The following TMEM117 variants were observed in gnomAD, a reference collection of about 807,000 sequenced individuals.
TMEM117 encodes transmembrane protein 117.
A neutral mutation model predicts 52.4 loss-of-function variants in TMEM117; 27 were observed. The observed-to-expected ratio is 0.51, with a 90% CI of 0.38 to 0.71. The LOEUF is 0.71. TMEM117 is among the 30% of genes least tolerant of loss of function. The pLI is 0.00. For missense variants in TMEM117, 556 were observed against 630.5 expected, an observed-to-expected ratio of 0.88 and a Z score of 1.26; for synonymous variants, 215 against 206.3, an observed-to-expected ratio of 1.04 and a Z score of -0.36.
chr12:44,195,119 C>G (rs1418956572), intron 4 of TMEM117, among the ~76,000 whole-genome samples: 5 of 152,150 alleles, frequency 3.3e-5, no homozygotes, highest in Non-Finnish European at 7.3e-5. Flanking sequence ...GGGTTCTCTA[C>G]TTAGGTTCTC....
chr12:44,150,070 A>C (rs532582848), intron 4 of TMEM117, among the ~76,000 whole-genome samples: 1 of 152,260 alleles, frequency 6.6e-6, no homozygotes, highest in Non-Finnish European at 1.5e-5. Flanking sequence ...TGTTCATTGG[A>C]ACCATTTTGA....
intron 3 of TMEM117, among the ~76,000 whole-genome samples, chr12:44,083,436 G>A (rs1361987448): frequency 8.9e-6 from 1 of 111,778 alleles, no homozygotes; most frequent in East Asian, 2.6e-4. Flanking sequence ...TCACTCTGTT[G>A]CCCAGGCTGG....
chr12:44,228,563 A>G (rs1949892943), intron 5 of TMEM117, among the ~76,000 whole-genome samples: 2 of 152,168 alleles, frequency 1.3e-5, no homozygotes, highest in African/African-American at 4.8e-5. Flanking sequence ...TAAAGAAGAT[A>G]AAGCAATGTG....
intron 5 of TMEM117, among the ~76,000 whole-genome samples, chr12:44,236,449 G>C (rs1213162836): frequency 6.6e-6 from 1 of 151,802 alleles, no homozygotes; most frequent in Non-Finnish European, 1.5e-5. Flanking sequence ...ATTTCTATTT[G>C]TGTTTTTGTC....
chr12:44,340,718 T>C (rs1951405924), intron 6 of TMEM117, among the ~76,000 whole-genome samples: 1 of 152,138 alleles, frequency 6.6e-6, no homozygotes, highest in Admixed American at 6.6e-5. Flanking sequence ...GGATAGATCA[T>C]TGATTTTGTG....
At chr12:44,256,123 C>T in intron 5 of TMEM117, among the ~76,000 whole-genome samples, 1 of 151,708 alleles carries the variant, frequency 6.6e-6, no homozygotes, top group South Asian at 2.1e-4. Flanking sequence ...TAAAAATAAA[C>T]ATAAACACAT....
chr12:44,388,506 C>A lies in TMEM117; in HGVS notation c.1379C>A (p.Pro460His), dbSNP rs1952125671. 6.2e-7 allele frequency: 1 copy of A among 1,613,496 alleles called. No individual in the cohort carries two copies. ...RENTQASVED[P>H]LNDPSLVCIR... Reference sequence around the variant, plus strand: ...AACACCCAGGCTTCAGTAGAAGACCCCTTGAATGACCCTTCTTTGGTTTGC... The same window carrying A: ...AACACCCAGGCTTCAGTAGAAGACCACTTGAATGACCCTTCTTTGGTTTGC... Residue 460 changes from proline to histidine, a missense_variant, in exon 8 of 8, where the codon CCC becomes CAC. Physicochemically the swap from Pro to His is moderately conservative, Grantham distance 77. Coordinates refer to ENST00000266534, the MANE Select transcript of TMEM117 (RefSeq NM_032256.3).
In TMEM117 at chr12:44,388,192, C is replaced by A; in HGVS notation, c.1065C>A (p.Thr355=). The change falls in exon 8 of 8, where the codon ACC becomes ACA. Residue 355 remains threonine, a synonymous_variant. Transcript: ENST00000266534. ...AAAGTTTAAAAGATTTGAACAGAAC[C>A]AAGCTATCCTGGGAATGGAGGTCCA... is the stretch of plus-strand genomic sequence containing the variant. ...DSESLKDLNR[T]KLSWEWRSNH... The A allele has an allele frequency of 1.2e-6, 2 of 1,613,244 alleles. No homozygotes were observed. Among genetic ancestry groups the A allele is most frequent in the Middle Eastern group, 1.6e-4 (1 of 6,062 alleles).
intron 4 of TMEM117, among the ~76,000 whole-genome samples, chr12:44,151,808 C>T (rs1293139678): frequency 7.1e-6 from 1 of 141,648 alleles, no homozygotes; most frequent in Non-Finnish European, 1.5e-5. Flanking sequence ...GGGCCGAGAA[C>T]TATTCTAAAT....
At chr12:44,306,634 G>A (rs1230567693) in intron 6 of TMEM117, among the ~76,000 whole-genome samples, 1 of 152,154 alleles carries the variant, frequency 6.6e-6, no homozygotes, top group Non-Finnish European at 1.5e-5. Context: ...GAGAGGAAGT[G>A]TTTTATCAAT....
intron 6 of TMEM117, 68 bp downstream of exon 6, chr12:44,299,807 T>C: frequency 6.4e-7 from 1 of 1,556,336 alleles, no homozygotes; most frequent in Non-Finnish European, 8.8e-7. Flanking sequence ...AAACAGGATA[T>C]GGCAACAGGC....
At chr12:43,905,479 A>C (rs1944370833) in intron 2 of TMEM117, among the ~76,000 whole-genome samples, 1 of 151,964 alleles carries the variant, frequency 6.6e-6, no homozygotes, top group Non-Finnish European at 1.5e-5. Flanking sequence ...GATTATATTA[A>C]CTGTTAGTCA....
At chr12:44,059,224 T>C (rs550491757) in intron 3 of TMEM117, among the ~76,000 whole-genome samples, 11 of 152,286 alleles carry the variant, frequency 7.2e-5, no homozygotes, top group African/African-American at 2.4e-4. Flanking sequence ...AGCTCAGGGA[T>C]TGGGGACCCC....
At chr12:44,131,916 T>C (rs1948419821) in intron 3 of TMEM117, among the ~76,000 whole-genome samples, 1 of 152,208 alleles carries the variant, frequency 6.6e-6, no homozygotes, top group South Asian at 2.1e-4. Context: ...TCACTTTTTC[T>C]GTTTTCTGCA....
At chr12:44,077,415 T>C (rs542153107) in intron 3 of TMEM117, among the ~76,000 whole-genome samples, 1 of 152,358 alleles carries the variant, frequency 6.6e-6, no homozygotes, top group South Asian at 2.1e-4. Flanking sequence ...TTTTTTTTGT[T>C]ACTTTGGTCT....
At position 43,918,296 on chromosome 12, in the gene TMEM117, G is replaced by T. The variant is rs191782159; in HGVS notation, c.278-25914G>T. On this transcript the variant is annotated intron_variant, in intron 2 of 7. Coordinates refer to ENST00000266534, the MANE Select transcript of TMEM117 (RefSeq NM_032256.3). ...CATCTGGTCTAGTCTGATTAAAGTT[G>T]ATGGCTATTTTTATGTCATCAGCAA... is the stretch of plus-strand genomic sequence containing the variant. Among the ~76,000 whole-genome samples the T allele has an allele frequency of 3.1e-3, 469 of 152,210 alleles. 1 individual carries two copies. Among genetic ancestry groups the T allele is most frequent in the Middle Eastern group, 6.8e-3 (2 of 294 alleles).
intron 4 of TMEM117, among the ~76,000 whole-genome samples, chr12:44,165,281 A>G (rs1157423875): frequency 1.3e-5 from 2 of 152,362 alleles, no homozygotes; most frequent in South Asian, 2.1e-4. Context: ...CCAAATCACA[A>G]TAAGCAATGA....
chr12:43,991,070 A>G (rs1945930495), intron 3 of TMEM117, among the ~76,000 whole-genome samples: 1 of 152,146 alleles, frequency 6.6e-6, no homozygotes, highest in Non-Finnish European at 1.5e-5. Context: ...GCCCTGTCAT[A>G]TGGGGAGCAC....
At chr12:44,251,999 G>T (rs841067) in intron 5 of TMEM117, among the ~76,000 whole-genome samples, 1 of 152,216 alleles carries the variant, frequency 6.6e-6, no homozygotes, top group South Asian at 2.1e-4. Flanking sequence ...ACTTCTTAGC[G>T]TAATGTTCAA....
Sources: allele counts gnomAD v4.1 joint callset (sites outside exome capture counted in the v4.1 genomes callset), GRCh38; gene constraint gnomAD v4.1.1; transcripts MANE v1.5; gene names NCBI Gene and HGNC (gene_info 2026-07-23, HGNC 2026-07-21).